The following DOCK3 variants were observed in gnomAD, a reference collection of about 807,000 sequenced individuals.
The protein encoded by DOCK3 is dedicator of cytokinesis protein 3.
DOCK3 carries 60 observed loss-of-function variants against 265.6 expected under a neutral mutation model. That is an observed-to-expected ratio of 0.23 (90% CI 0.18 to 0.28). The LOEUF is 0.28. DOCK3 is among the 10% of genes least tolerant of loss of function. The pLI is 1.00. For missense variants in DOCK3, 1,981 were observed against 2,594.3 expected, an observed-to-expected ratio of 0.76 and a Z score of 5.14; for synonymous variants, 881 against 938.0, an observed-to-expected ratio of 0.94 and a Z score of 1.11.
At chr3:51,026,471 G>C (rs2079828390) in intron 5 of DOCK3, among the ~76,000 whole-genome samples, 1 of 151,002 alleles carries the variant, frequency 6.6e-6, no homozygotes, top group South Asian at 2.1e-4. Context: ...GTCAGCTTTG[G>C]GTATCAAGAT....
chr3:51,084,254 T>G (rs895049409), intron 7 of DOCK3, among the ~76,000 whole-genome samples: 1 of 152,064 alleles, frequency 6.6e-6, no homozygotes, highest in African/African-American at 2.4e-5. Context: ...CCCAAATAGA[T>G]GTAATCTAAT....
chr3:51,169,342 C>T (rs2086564426), intron 12 of DOCK3, among the ~76,000 whole-genome samples: 1 of 152,126 alleles, frequency 6.6e-6, no homozygotes, highest in Admixed American at 6.6e-5. Context: ...ATCCTAAATG[C>T]CCATCAATGG....
At chr3:50,995,757 A>C (rs957328331) in intron 5 of DOCK3, among the ~76,000 whole-genome samples, 1 of 152,212 alleles carries the variant, frequency 6.6e-6, no homozygotes, top group Admixed American at 6.5e-5. Context: ...CAGTAGGGGC[A>C]TAATGGGAAG....
chr3:51,277,363 G>A (rs1288615154), intron 25 of DOCK3, among the ~76,000 whole-genome samples: 2 of 152,182 alleles, frequency 1.3e-5, no homozygotes, highest in East Asian at 1.9e-4. Flanking sequence ...GAGATTCAAA[G>A]TTGCAGGTGG....
At position 51,208,830 on chromosome 3, in the gene DOCK3, G is replaced by T. The variant is rs539820233; in HGVS notation, c.1094G>T (p.Ser365Ile). ...CACGAGAACATCATCCGAAAGTCCA[G>T]TGCCAAGTACTCTGCCCCCAGCGCC... ...QIHENIIRKSSAKYSAPSASH... is the reference protein window; with the variant it reads ...QIHENIIRKSIAKYSAPSASH... Residue 365 changes from serine to isoleucine, a missense_variant, in exon 13 of 53, where the codon AGT becomes ATT. Transcript: ENST00000266037. The T allele has an allele frequency of 5.6e-6, 9 of 1,612,154 alleles. No individual in the cohort carries two copies. The African/African-American group carries it at 9.3e-5, about 17-fold the overall frequency.
intron 12 of DOCK3, among the ~76,000 whole-genome samples, chr3:51,200,009 A>G (rs2088611390): frequency 6.6e-6 from 1 of 152,168 alleles, no homozygotes; most frequent in South Asian, 2.1e-4. Flanking sequence ...AACAGAAAGG[A>G]CATCCACACC....
At chr3:51,249,500 G>T (rs796868763) in intron 22 of DOCK3, among the ~76,000 whole-genome samples, 1 of 98,842 alleles carries the variant, frequency 1.0e-5, no homozygotes, top group Non-Finnish European at 2.2e-5. Flanking sequence ...CGGGAGGGAG[G>T]TGGGGGGGTC....
chr3:51,249,679 C>T (rs1338915849), intron 22 of DOCK3, among the ~76,000 whole-genome samples: 2 of 124,044 alleles, frequency 1.6e-5, no homozygotes, highest in African/African-American at 3.1e-5. Context: ...CCCGGCCAGC[C>T]GCCCCGTCCG....
intron 7 of DOCK3, among the ~76,000 whole-genome samples, chr3:51,081,701 C>T (rs2109441688): frequency 6.6e-6 from 1 of 152,194 alleles, no homozygotes; most frequent in Admixed American, 6.5e-5. Flanking sequence ...TGAGACCATC[C>T]TGGCTAACAC....
intron 5 of DOCK3, among the ~76,000 whole-genome samples, chr3:50,978,359 A>G (rs2108527522): frequency 6.6e-6 from 1 of 152,012 alleles, no homozygotes; most frequent in South Asian, 2.1e-4. Flanking sequence ...TTTTCCTTCT[A>G]ACAGGCAGGA....
intron 51 of DOCK3, among the ~76,000 whole-genome samples, chr3:51,378,692 G>A (rs1163017006): frequency 2.0e-5 from 3 of 152,206 alleles, no homozygotes; most frequent in African/African-American, 7.2e-5. Context: ...GTCCACTGCT[G>A]CTTCTGCAGA....
At chr3:50,676,708 T>A (rs986311797) in intron 1 of DOCK3, among the ~76,000 whole-genome samples, 1 of 76,490 alleles carries the variant, frequency 1.3e-5, no homozygotes, top group African/African-American at 5.0e-5. Context: ...GAGCCCTATT[T>A]TGGCGGGGGT....
chr3:50,885,023 G>A (rs1053538391), intron 3 of DOCK3, among the ~76,000 whole-genome samples: 1 of 152,144 alleles, frequency 6.6e-6, no homozygotes. Context: ...TCCTAACAAT[G>A]TCCTTGTGTG....
chr3:50,714,203 C>T (rs2036954792), intron 1 of DOCK3, among the ~76,000 whole-genome samples: 1 of 152,162 alleles, frequency 6.6e-6, no homozygotes, highest in Non-Finnish European at 1.5e-5. Flanking sequence ...CTTTTCTGCA[C>T]TGTAACTTCC....
At chr3:50,747,215 G>A (rs146768174) in intron 1 of DOCK3, among the ~76,000 whole-genome samples, 77 of 152,154 alleles carry the variant, frequency 5.1e-4, no homozygotes, top group African/African-American at 1.7e-3. Flanking sequence ...TTTGATTATC[G>A]TAGCTTTATA....
At chr3:51,114,764 A>G (rs2083661539) in intron 9 of DOCK3, among the ~76,000 whole-genome samples, 1 of 152,036 alleles carries the variant, frequency 6.6e-6, no homozygotes, top group African/African-American at 2.4e-5. Context: ...TCAACCTGTC[A>G]TTTACATTAG....
chr3:51,250,288 TA>T lies in DOCK3; in HGVS notation c.2184+3489del, dbSNP rs1166026699. ...GATCAATAAAAAAAAAAAAAAAAAT[TA>T]AAAAAAATAATAAAAAATAAAAAAC... On this transcript the variant is annotated intron_variant, in intron 22 of 52. Coordinates refer to ENST00000266037, the MANE Select transcript of DOCK3 (RefSeq NM_004947.5). 1.2e-3 allele frequency among the ~76,000 whole-genome samples: 37 copies of T among 31,684 alleles called. 1 individual carries two copies. Among genetic ancestry groups the T allele is most frequent in the East Asian group, 3.9e-3 (8 of 2,026 alleles). 20.8% of individuals were successfully genotyped at this position (31,684 alleles called of 152,430 possible). A position where few individuals can be genotyped will look rare whatever the true frequency, so the allele number is the denominator to read the frequency against.
chr3:51,128,734 G>A (rs563878654), intron 9 of DOCK3, among the ~76,000 whole-genome samples: 1 of 152,192 alleles, frequency 6.6e-6, no homozygotes, highest in African/African-American at 2.4e-5. Flanking sequence ...CGAGGGCTCA[G>A]TGTTGGTCTC....
At chr3:51,228,409 G>C (rs941790751) in intron 17 of DOCK3, among the ~76,000 whole-genome samples, 1 of 152,190 alleles carries the variant, frequency 6.6e-6, no homozygotes. Context: ...ACTGTCAACT[G>C]TCATAGCATA....
Sources: allele counts gnomAD v4.1 joint callset (sites outside exome capture counted in the v4.1 genomes callset), GRCh38; gene constraint gnomAD v4.1.1; transcripts MANE v1.5; gene names NCBI Gene and HGNC (gene_info 2026-07-23, HGNC 2026-07-21).